RGS7: variants seen among roughly 807,000 people sequenced by gnomAD.
RGS7 encodes regulator of G-protein signaling 7.
In RGS7, 27 loss-of-function variants were observed where a neutral mutation model predicts 81.1. The ratio of observed to expected loss-of-function variants is 0.33; its 90% CI spans 0.25 to 0.46. The LOEUF (loss-of-function observed/expected upper bound fraction) is 0.46. Among genes scored for constraint, RGS7 ranks in the 20% least tolerant of loss-of-function variants. The probability of loss-of-function intolerance (pLI) is 1.00; values close to 1 mark genes in which losing one functional copy is unlikely to be tolerated. For missense variants in RGS7, 396 were observed against 607.4 expected, an observed-to-expected ratio of 0.65 and a Z score of 3.66; for synonymous variants, 208 against 207.7, an observed-to-expected ratio of 1.00 and a Z score of -0.01.
intron 4 of RGS7, among the ~76,000 whole-genome samples, chr1:240,957,234 T>C (rs941383605): frequency 2.0e-5 from 3 of 152,190 alleles, no homozygotes; most frequent in African/African-American, 7.2e-5. Context: ...TCTCCCACGC[T>C]GGATGCTTCC....
intron 4 of RGS7, among the ~76,000 whole-genome samples, chr1:240,970,133 C>A (rs925159052): frequency 6.6e-6 from 1 of 152,056 alleles, no homozygotes; most frequent in Non-Finnish European, 1.5e-5. Context: ...CTGGGGAGAC[C>A]CAATTGATTA....
chr1:241,177,198 A>G (rs2071218212), intron 2 of RGS7, among the ~76,000 whole-genome samples: 1 of 152,226 alleles, frequency 6.6e-6, no homozygotes, highest in African/African-American at 2.4e-5. Context: ...AAAGTAACAG[A>G]GCAGTAGGCT....
intron 6 of RGS7, among the ~76,000 whole-genome samples, chr1:240,875,169 C>T (rs914794719): frequency 6.6e-6 from 1 of 152,170 alleles, no homozygotes; most frequent in Admixed American, 6.5e-5. Flanking sequence ...TGAAACTTTG[C>T]GCTCTTTAAC....
intron 2 of RGS7, among the ~76,000 whole-genome samples, chr1:241,227,262 G>C (rs2075359984): frequency 6.6e-6 from 1 of 152,278 alleles, no homozygotes; most frequent in African/African-American, 2.4e-5. Context: ...GGTTCATAGA[G>C]ATTAAAGAGA....
chr1:241,326,962 A>AAG (rs374037886), intron 2 of RGS7, among the ~76,000 whole-genome samples: 19 of 124,556 alleles, frequency 1.5e-4, no homozygotes, highest in East Asian at 2.6e-4. Flanking sequence ...GGAAGGAAGG[A>AAG]AGAGAGAGAG....
rs1186206887 is a variant in RGS7, at chr1:240,998,702, G to C, written c.176-15573C>G. ...CAACATTTACACCGGCTGCTTTAAT[G>C]AGGGCATTGATCTTATTCTCCGTGA... On this transcript the variant is annotated intron_variant, in intron 3 of 18. Coordinates refer to ENST00000440928, the MANE Select transcript of RGS7 (RefSeq NM_001364886.1). 3.5e-6 allele frequency: 4 copies of C among 1,138,744 alleles called. No individual in the cohort carries two copies. The Admixed American group carries it at 5.2e-5, about 15-fold the overall frequency. 70.5% of individuals were successfully genotyped at this position (1,138,744 alleles called of 1,614,324 possible). A position where few individuals can be genotyped will look rare whatever the true frequency, so the allele number is the denominator to read the frequency against.
intron 18 of RGS7, 71 bp from the exon 19 acceptor site, chr1:240,776,284 A>G: frequency 9.0e-7 from 1 of 1,115,614 alleles, no homozygotes; most frequent in Non-Finnish European, 1.4e-6. Context: ...GCTTAGTAGT[A>G]GCAACTATTT....
chr1:241,108,194 T>G (rs2065256719), intron 2 of RGS7, among the ~76,000 whole-genome samples: 1 of 149,932 alleles, frequency 6.7e-6, no homozygotes, highest in African/African-American at 2.5e-5. Flanking sequence ...ATCCCAGCTA[T>G]CGGGAGGCTG....
At chr1:241,340,977 C>T (rs150376176) in intron 2 of RGS7, among the ~76,000 whole-genome samples, 1,853 of 152,214 alleles carry the variant, frequency 0.012, 25 homozygotes, top group Non-Finnish European at 0.019. Context: ...ATCTCTGAAA[C>T]GGGAGGCACC....
At chr1:240,960,666 C>G (rs993514060) in intron 4 of RGS7, among the ~76,000 whole-genome samples, 2 of 151,144 alleles carry the variant, frequency 1.3e-5, no homozygotes, top group African/African-American at 2.4e-5. Flanking sequence ...CCTTACCCGA[C>G]CTATTTAGAA....
At chr1:241,303,178 G>A (rs2079877099) in intron 2 of RGS7, among the ~76,000 whole-genome samples, 1 of 146,796 alleles carries the variant, frequency 6.8e-6, no homozygotes, top group East Asian at 1.9e-4. Context: ...CCCCAGTGTT[G>A]TAAAAGGAGC....
At chr1:241,037,822 T>C (rs1296044976) in intron 3 of RGS7, among the ~76,000 whole-genome samples, 1 of 152,004 alleles carries the variant, frequency 6.6e-6, no homozygotes, top group African/African-American at 2.4e-5. Context: ...TGCAGCAAAT[T>C]GGATGGAGTC....
intron 2 of RGS7, among the ~76,000 whole-genome samples, chr1:241,354,609 G>A (rs2083444967): frequency 6.6e-6 from 1 of 152,182 alleles, no homozygotes; most frequent in Non-Finnish European, 1.5e-5. Flanking sequence ...CGGATGAAAA[G>A]TTTTGATTTA....
chr1:241,164,272 CTT>C lies in RGS7; in HGVS notation c.79-65512_79-65511del, dbSNP rs35459623. ...CCAGAAGCTCTCAGAACCCTATCCT[CTT>C]TTTTTTTTTTTTAAGCTTCATTATG... On this transcript the variant is annotated intron_variant, in intron 2 of 18. Transcript: ENST00000440928. The surrounding 1 kb of genome is among the most constrained non-coding windows in gnomAD (Gnocchi z 4.1). 0.027 allele frequency among the ~76,000 whole-genome samples: 3,858 copies of C among 145,238 alleles called. 120 individuals carry two copies. The highest frequency in any genetic ancestry group is 0.075 in the African/African-American group (2,987 of 39,616).
Position 240,966,025 on chromosome 1 carries a change from G to A in RGS7, c.226+17054C>T, listed in dbSNP as rs537287126. 1.4e-4 allele frequency among the ~76,000 whole-genome samples: 21 copies of A among 152,236 alleles called. No individual in the cohort carries two copies. The East Asian group carries it at 4.1e-3, about 30-fold the overall frequency. ...CTTAATAGCTCTTCGTCGTATACCC[G>A]ACTGAGCAGAAATATCTCAGTGGAG... On this transcript the variant is annotated intron_variant, in intron 4 of 18. Transcript: ENST00000440928.
At chr1:241,062,633 T>C (rs921740808) in intron 3 of RGS7, among the ~76,000 whole-genome samples, 1 of 152,182 alleles carries the variant, frequency 6.6e-6, no homozygotes, top group Admixed American at 6.5e-5. Flanking sequence ...GCTGCTCATA[T>C]TTTCCGGCTA....
rs971804838 is a variant in RGS7 at position 240,870,097 on chromosome 1, T to C, written c.408A>G (p.Thr136=). ...GCTCCAGTCGTGCCTTGTTTTGCAT[T>C]GTTCTCTTGCAGAGGTAAACGGCTG... The part of the protein sequence containing the change: ...TDYAVYLCKR[T]MQNKARLELA... Residue 136 remains threonine (T), a synonymous_variant, in exon 7 of 19, where the codon ACA becomes ACG. Coordinates refer to ENST00000440928, the MANE Select transcript of RGS7 (RefSeq NM_001364886.1). 2.5e-6 allele frequency: 4 copies of C among 1,614,156 alleles called. No homozygotes were observed. The highest frequency in any genetic ancestry group is 3.4e-6 in the Non-Finnish European group (4 of 1,180,010).
At chr1:241,186,112 T>A (rs1458336686) in intron 2 of RGS7, among the ~76,000 whole-genome samples, 1 of 151,996 alleles carries the variant, frequency 6.6e-6, no homozygotes, top group Non-Finnish European at 1.5e-5. Flanking sequence ...AGTTACAAAT[T>A]ATCAATATCA....
intron 2 of RGS7, among the ~76,000 whole-genome samples, chr1:241,249,799 T>C (rs753771831): frequency 2.6e-5 from 4 of 152,124 alleles, no homozygotes; most frequent in Admixed American, 6.5e-5. Flanking sequence ...TACTGCTGCT[T>C]GTAACAGAAA....
Sources: gnomAD v4.1 joint callset for allele counts (sites outside exome capture counted in the v4.1 genomes callset) on GRCh38, gnomAD v4.1.1 for gene constraint, Gnocchi (gnomAD v3.1) non-coding constraint, MANE v1.5 for transcripts, NCBI Gene and HGNC (gene_info 2026-07-23, HGNC 2026-07-21) for gene names.